Variants in CIT observed in about 807,000 individuals in gnomAD.
The protein encoded by CIT is citron rho-interacting serine/threonine kinase, also known as citron Rho-interacting kinase.
Under a neutral mutation model 272.7 loss-of-function variants are expected in CIT, and 79 were observed. The ratio of observed to expected loss-of-function variants is 0.29; its 90% CI spans 0.24 to 0.35. The LOEUF (loss-of-function observed/expected upper bound fraction) is 0.35. CIT is among the 10% of genes least tolerant of loss of function. The pLI, the probability that CIT is intolerant of heterozygous loss-of-function variation, is 1.00. For synonymous variants in CIT, 948 were observed against 995.6 expected (o/e 0.95, Z 0.90); for missense variants, 1,909 against 2,618.3 (o/e 0.73, Z 5.91).
chr12:119,730,554 G>C lies in CIT; in HGVS notation c.3427C>G (p.Leu1143Val). 1.2e-6 allele frequency: 2 copies of C among 1,614,144 alleles called. No homozygotes were observed. The highest frequency in any genetic ancestry group is 1.7e-6 in the Non-Finnish European group (2 of 1,180,004). The change falls in exon 27 of 48, where the codon CTC (leucine) becomes GTC (valine). Residue 1143 changes from leucine to valine, a missense_variant. Physicochemically the swap from Leu to Val is conservative, Grantham distance 32. Transcript: ENST00000392521. ...TCTTTGAGAGCCTGCTGCAGAGCGA[G>C]AATCTCAGCCTTGTGCTCCTTCACT... is the stretch of plus-strand genomic sequence containing the variant. The part of the protein sequence containing the change: ...LAVKEHKAEI[L>V]ALQQALKEQK...
rs1396740206 is a variant in CIT, at chr12:119,718,482, T to C, written c.4004-73A>G. The C allele has an allele frequency of 6.5e-7, 1 of 1,532,076 alleles. No individual in the cohort carries two copies. The highest frequency in any genetic ancestry group is 2.3e-5 in the East Asian group (1 of 44,134). 94.9% of individuals were successfully genotyped at this position (1,532,076 alleles called of 1,614,324 possible). On this transcript the variant is annotated intron_variant, in intron 31 of 47. Coordinates refer to ENST00000392521, the MANE Select transcript of CIT (RefSeq NM_001206999.2). This position sits in a 1 kb window ranked among gnomAD's most constrained non-coding sequence, Gnocchi z 4.8. Reference sequence around the variant, plus strand: ...AGGACCAAACTAAGCCGAATGTCCCTGGGCTATCTTTCAAGGACCCAAGAC... The same window carrying C: ...AGGACCAAACTAAGCCGAATGTCCCCGGGCTATCTTTCAAGGACCCAAGAC...
chr12:119,799,189 T>C (rs1965984043), intron 10 of CIT, among the ~76,000 whole-genome samples: 1 of 152,212 alleles, frequency 6.6e-6, no homozygotes, highest in Admixed American at 6.5e-5. Context: ...GCTGAGTCCT[T>C]TCCATATTCT....
chr12:119,782,801 G>A lies in CIT; in HGVS notation c.1546-164C>T, dbSNP rs985853937. 1.9e-5 allele frequency: 14 copies of A among 723,560 alleles called. No homozygotes were observed. The African/African-American group carries it at 2.5e-4, about 13-fold the overall frequency. 44.8% of individuals were successfully genotyped at this position (723,560 alleles called of 1,614,324 possible). ...GGTTGCCGACTCCGGTTTCCATCCTGTAAAACCCCTTGGTTCAAGAAACAT... is the reference window on the plus strand; with the variant it reads ...GGTTGCCGACTCCGGTTTCCATCCTATAAAACCCCTTGGTTCAAGAAACAT... On this transcript the variant is annotated intron_variant, in intron 12 of 47. Coordinates refer to ENST00000392521, the MANE Select transcript of CIT (RefSeq NM_001206999.2).
chr12:119,853,261 T>C (rs1181452292), intron 4 of CIT, among the ~76,000 whole-genome samples: 17 of 151,430 alleles, frequency 1.1e-4, no homozygotes, highest in Admixed American at 1.1e-3. Context: ...AAGGCAGAGG[T>C]TGCAGTGAGC....
At position 119,708,554 on chromosome 12, in the gene CIT, C is replaced by T. The variant is rs371819094; in HGVS notation, c.5072-236G>A. ...ACACTGGAGTGCAATGGTACAATCT[C>T]GGCTCACTAAAACCTCTGCCTCCTG... On this transcript the variant is annotated intron_variant, in intron 39 of 47. Transcript: ENST00000392521. Among the ~76,000 whole-genome samples, 7 of 152,078 alleles carry T rather than the reference C, an allele frequency of 4.6e-5. 1 individual carries two copies. The highest frequency in any genetic ancestry group is 1.5e-5 in the Non-Finnish European group (1 of 67,996).
intron 21 of CIT, 48 bp from the exon 22 acceptor site, chr12:119,757,593 G>T: frequency 1.2e-6 from 2 of 1,607,986 alleles, no homozygotes; most frequent in Non-Finnish European, 1.7e-6. Flanking sequence ...GTCTCATTAG[G>T]GTTGAGCCCG....
chr12:119,699,205 G>C (rs1956405459), intron 44 of CIT, among the ~76,000 whole-genome samples: 1 of 143,272 alleles, frequency 7.0e-6, no homozygotes, highest in Non-Finnish European at 1.5e-5. Flanking sequence ...GCAGTGAGCT[G>C]AGATTGTGCC....
At chr12:119,827,962 G>C (rs1292934201) in intron 7 of CIT, among the ~76,000 whole-genome samples, 1 of 152,028 alleles carries the variant, frequency 6.6e-6, no homozygotes, top group Non-Finnish European at 1.5e-5. Flanking sequence ...CTCCTTATTT[G>C]CAGCTCACAG....
chr12:119,867,676 G>A (rs970116485), intron 3 of CIT, among the ~76,000 whole-genome samples: 1 of 152,066 alleles, frequency 6.6e-6, no homozygotes. Context: ...ACTGACAGTA[G>A]GACCCTTCCC....
At chr12:119,827,164 A>C (rs1321586599) in intron 7 of CIT, among the ~76,000 whole-genome samples, 2 of 152,152 alleles carry the variant, frequency 1.3e-5, no homozygotes, top group Non-Finnish European at 2.9e-5. Flanking sequence ...GTGCCCCTTC[A>C]AGAAAGCCAG....
chr12:119,764,985 T>C lies in CIT; in HGVS notation c.2304+2102A>G, dbSNP rs183990970. Among the ~76,000 whole-genome samples the C allele has an allele frequency of 3.9e-5, 6 of 152,028 alleles. No homozygotes were observed. The East Asian group carries it at 1.2e-3, about 30-fold the overall frequency. On this transcript the variant is annotated intron_variant, in intron 19 of 47. Transcript: ENST00000392521. Reference sequence around the variant, plus strand: ...CCACGCCTGGCTAATTTTTTTGTATTTTTAGTAGAGGCGGGGTTTCACCAT... The same window carrying C: ...CCACGCCTGGCTAATTTTTTTGTATCTTTAGTAGAGGCGGGGTTTCACCAT...
rs1010446939 is a variant in CIT at position 119,776,345 on chromosome 12, A to G, written c.1887+13T>C. On this transcript the variant is annotated intron_variant, in intron 15 of 47. Transcript: ENST00000392521. ...CAAAATATTAATAGCAAAACCAATC[A>G]TGGAAAGTATACCTTCTCCAGTTTC... 2 of 1,608,482 alleles carry G rather than the reference A, an allele frequency of 1.2e-6. No homozygotes were observed. Among genetic ancestry groups the G allele is most frequent in the East Asian group, 2.2e-5 (1 of 44,808 alleles).
At chr12:119,806,137 C>CAAAAAAAAA (rs3858711) in intron 9 of CIT, among the ~76,000 whole-genome samples, 6 of 62,664 alleles carry the variant, frequency 9.6e-5, no homozygotes, top group African/African-American at 2.2e-4. Flanking sequence ...AACACCATCT[C>CAAAAAAAAA]AAAAAAAAAA....
chr12:119,838,167 G>A (rs1435064118), intron 5 of CIT, among the ~76,000 whole-genome samples: 1 of 152,084 alleles, frequency 6.6e-6, no homozygotes, highest in African/African-American at 2.4e-5. Context: ...CTGCCTCCCG[G>A]GTTCAAGCGA....
rs746011808 is a variant in CIT at position 119,697,819 on chromosome 12, G to A, written c.5722C>T (p.Leu1908=). The A allele has an allele frequency of 3.0e-5, 49 of 1,614,034 alleles. No individual in the cohort carries two copies. The East Asian group carries it at 1.1e-3, about 36-fold the overall frequency. The part of the protein sequence containing the change: ...SSAGTPARAY[L]DIPNPRYLGP... ...AGGTAGCGCGGGTTCGGGATGTCCA[G>A]GTACGCTCGGGCAGGGGTCCTGCAG... The change falls in exon 46 of 48, where the codon CTG becomes TTG. Residue 1908 remains leucine (L), a synonymous_variant. Coordinates refer to ENST00000392521, the MANE Select transcript of CIT (RefSeq NM_001206999.2). The surrounding 1 kb of genome is among the most constrained non-coding windows in gnomAD (Gnocchi z 4.9).
rs1424897478 is a variant in CIT, at chr12:119,742,538, G to A, written c.2905-74C>T. 6.2e-5 allele frequency: 72 copies of A among 1,158,478 alleles called. 2 individuals carry two copies. Among genetic ancestry groups the A allele is most frequent in the South Asian group, 4.1e-4 (29 of 71,588 alleles). 71.8% of individuals were successfully genotyped at this position (1,158,478 alleles called of 1,614,324 possible). On this transcript the variant is annotated intron_variant, in intron 23 of 47. Coordinates refer to ENST00000392521, the MANE Select transcript of CIT (RefSeq NM_001206999.2). ...TTCTACATGCTACGGGTCAAATATA[G>A]AGAATAGCAATTTGCCTGGAAAGCC...
At chr12:119,716,618 CT>C (rs2137101801) in intron 32 of CIT, among the ~76,000 whole-genome samples, 1 of 152,178 alleles carries the variant, frequency 6.6e-6, no homozygotes, top group South Asian at 2.1e-4. Flanking sequence ...TTCTTAAGTC[CT>C]TTTAATCTCT....
At chr12:119,745,395 A>AAAAAAAAAAAAAAAAAAAAC (rs1959225502) in intron 23 of CIT, among the ~76,000 whole-genome samples, 1 of 145,954 alleles carries the variant, frequency 6.9e-6, no homozygotes, top group Non-Finnish European at 1.5e-5. Context: ...AAAAAAAAAA[A>AAAAAAAAAAAAAAAAAAAAC]AAACACCTGT....
At chr12:119,715,896 C>T (rs1370301567) in intron 32 of CIT, among the ~76,000 whole-genome samples, 1 of 152,210 alleles carries the variant, frequency 6.6e-6, no homozygotes, top group South Asian at 2.1e-4. Flanking sequence ...ACAACATCAC[C>T]CCCCTTCCTT....
Sources: gnomAD v4.1 joint callset for allele counts (sites outside exome capture counted in the v4.1 genomes callset) on GRCh38, gnomAD v4.1.1 for gene constraint, Gnocchi (gnomAD v3.1) non-coding constraint, MANE v1.5 for transcripts, NCBI Gene and HGNC (gene_info 2026-07-23, HGNC 2026-07-21) for gene names.